REV3L: variants seen among roughly 807,000 people sequenced by gnomAD.
The protein encoded by REV3L is DNA polymerase zeta catalytic subunit.
In REV3L, 69 loss-of-function variants were observed where a neutral mutation model predicts 299.4. That is an observed-to-expected ratio of 0.23 (90% CI 0.19 to 0.28). The LOEUF (loss-of-function observed/expected upper bound fraction) is 0.28. Ranked by LOEUF, REV3L falls within the 10% of genes least tolerant of loss-of-function variation. The probability of loss-of-function intolerance (pLI) is 1.00; values close to 1 mark genes in which losing one functional copy is unlikely to be tolerated. For missense variants in REV3L, 3,128 were observed against 3,693.8 expected, an observed-to-expected ratio of 0.85 and a Z score of 3.97; for synonymous variants, 1,238 against 1,271.4, an observed-to-expected ratio of 0.97 and a Z score of 0.56.
intron 1 of REV3L, among the ~76,000 whole-genome samples, chr6:111,481,573 T>G (rs1793648068): frequency 6.6e-6 from 1 of 152,208 alleles, no homozygotes; most frequent in Admixed American, 6.5e-5. Flanking sequence ...AAAGCGCTAT[T>G]ATCTTGGTAG....
At chr6:111,424,074 C>T (rs1184060105) in intron 1 of REV3L, among the ~76,000 whole-genome samples, 3 of 152,164 alleles carry the variant, frequency 2.0e-5, no homozygotes, top group South Asian at 4.1e-4. Context: ...ATACCCAATA[C>T]AAGAGAAGGG....
chr6:111,348,037 A>G (rs939461827), intron 20 of REV3L, among the ~76,000 whole-genome samples: 7 of 152,196 alleles, frequency 4.6e-5, no homozygotes, highest in Admixed American at 2.0e-4. Flanking sequence ...CCTGGGCTCA[A>G]GTGATCCACC....
chr6:111,335,646 A>G lies in REV3L; in HGVS notation c.7539-36T>C. The G allele has an allele frequency of 1.9e-6, 3 of 1,579,564 alleles. No homozygotes were observed. The South Asian group carries it at 3.5e-5, about 19-fold the overall frequency. On this transcript the variant is annotated intron_variant, in intron 21 of 31. Coordinates refer to ENST00000368802, the MANE Select transcript of REV3L (RefSeq NM_001372078.1). ...AGAATCCACATTATGAACATCAGGGAAAAATTTGGACACTTGAAAACAGTA... is the reference window on the plus strand; with the variant it reads ...AGAATCCACATTATGAACATCAGGGGAAAATTTGGACACTTGAAAACAGTA...
intron 3 of REV3L, among the ~76,000 whole-genome samples, chr6:111,408,729 A>G (rs550055569): frequency 5.9e-5 from 9 of 152,310 alleles, no homozygotes; most frequent in African/African-American, 1.9e-4. Context: ...TAGAAATTAA[A>G]ACAGAAATGC....
chr6:111,372,821 T>C lies in REV3L; in HGVS notation c.5534A>G (p.Asn1845Ser). Reference sequence around the variant, plus strand: ...ATCAGGAGTTGGTGTCAACATATCATTGTTTCTTGAAACATACAGTTCTAA... The same window carrying C: ...ATCAGGAGTTGGTGTCAACATATCACTGTTTCTTGAAACATACAGTTCTAA... ...EDLELYVSRN[N>S]DMLTPTPDSS... The change falls in exon 13 of 32, where the codon AAT becomes AGT. Residue 1845 changes from asparagine to serine, a missense_variant. Coordinates refer to ENST00000368802, the MANE Select transcript of REV3L (RefSeq NM_001372078.1). 2 of 1,613,852 alleles carry C rather than the reference T, an allele frequency of 1.2e-6. No homozygotes were observed. The highest frequency in any genetic ancestry group is 2.2e-5 in the East Asian group (1 of 44,886).
Position 111,437,766 on chromosome 6 carries a change from G to A in REV3L, c.140-21294C>T, listed in dbSNP as rs112780969. On this transcript the variant is annotated intron_variant, in intron 1 of 31. Transcript: ENST00000368802. ...GTGACAGTGTTCTAAAATTGATTGCGCTTATGGTTGCACAACTCTGTGAAC... is the reference window on the plus strand; with the variant it reads ...GTGACAGTGTTCTAAAATTGATTGCACTTATGGTTGCACAACTCTGTGAAC... Among the ~76,000 whole-genome samples the A allele has an allele frequency of 3.6e-3, 552 of 152,140 alleles. 4 individuals are homozygous for A. The highest frequency in any genetic ancestry group is 0.012 in the African/African-American group (518 of 41,528).
intron 20 of REV3L, among the ~76,000 whole-genome samples, chr6:111,345,016 G>A (rs1776887283): frequency 6.6e-6 from 1 of 152,058 alleles, no homozygotes; most frequent in Admixed American, 6.5e-5. Flanking sequence ...ACTTGTGTAG[G>A]TATACATATA....
Position 111,376,179 on chromosome 6 carries a change from T to C in REV3L, c.2176A>G (p.Lys726Glu). The change falls in exon 13 of 32, where the codon AAA becomes GAA. Residue 726 changes from lysine (K) to glutamate (E), a missense_variant. By Grantham distance (56) the Lys-to-Glu change is moderately conservative. Transcript: ENST00000368802. ...CTACTCAGAGCTGTGCTGTTTCCTT[T>C]TTCATTTCCTTCAGAGGATACTTTA... Reference protein sequence around the residue: ...KNKVSSEGNEKGNSTALSSLF... With the variant: ...KNKVSSEGNEEGNSTALSSLF... 6.2e-7 allele frequency: 1 copy of C among 1,612,218 alleles called. No homozygotes were observed. The highest frequency in any genetic ancestry group is 8.5e-7 in the Non-Finnish European group (1 of 1,179,764).
intron 1 of REV3L, among the ~76,000 whole-genome samples, chr6:111,476,343 G>A (rs1259446951): frequency 1.3e-5 from 2 of 152,084 alleles, no homozygotes; most frequent in East Asian, 3.9e-4. Flanking sequence ...TTTTTGTAGA[G>A]ATAGCGTCTT....
intron 31 of REV3L, among the ~76,000 whole-genome samples, chr6:111,300,494 A>G (rs1281086311): frequency 6.6e-6 from 1 of 152,232 alleles, no homozygotes; most frequent in East Asian, 1.9e-4. Flanking sequence ...ACACGTTTTC[A>G]AAGTACTTAG....
chr6:111,479,872 T>C (rs1793412914), intron 1 of REV3L, among the ~76,000 whole-genome samples: 1 of 152,206 alleles, frequency 6.6e-6, no homozygotes, highest in Non-Finnish European at 1.5e-5. Context: ...CATGGGAGCT[T>C]TTAAACCCAA....
intron 31 of REV3L, among the ~76,000 whole-genome samples, chr6:111,300,849 A>G (rs1311541375): frequency 6.6e-6 from 1 of 152,200 alleles, no homozygotes; most frequent in African/African-American, 2.4e-5. Flanking sequence ...AATTGTTTGT[A>G]AAGCATGTGT....
intron 1 of REV3L, among the ~76,000 whole-genome samples, chr6:111,479,729 T>C (rs940405828): frequency 6.6e-6 from 1 of 152,124 alleles, no homozygotes; most frequent in African/African-American, 2.4e-5. Flanking sequence ...CAGGCTGGTC[T>C]CCAACTCCTG....
chr6:111,418,983 A>C (rs541727582), intron 1 of REV3L, among the ~76,000 whole-genome samples: 3 of 152,358 alleles, frequency 2.0e-5, no homozygotes, highest in Non-Finnish European at 4.4e-5. Flanking sequence ...ACATCCACGA[A>C]AAAAGAGGGA....
At chr6:111,476,007 T>C (rs1324972117) in intron 1 of REV3L, among the ~76,000 whole-genome samples, 4 of 152,358 alleles carry the variant, frequency 2.6e-5, no homozygotes, top group Middle Eastern at 3.4e-3. Flanking sequence ...CATTTTCATA[T>C]ACAAGTTGAA....
At position 111,303,193 on chromosome 6, in the gene REV3L, AGAGC is replaced by A. The variant is rs1373878345; in HGVS notation, c.9253-3041_9253-3038del. Among the ~76,000 whole-genome samples the A allele has an allele frequency of 1.8e-3, 152 of 83,960 alleles. 1 individual carries two copies. Among genetic ancestry groups the A allele is most frequent in the Middle Eastern group, 0.01 (1 of 100 alleles). The allele number at this position is 83,960 out of a possible 152,430, so 55.1% of individuals were successfully genotyped here. On this transcript the variant is annotated intron_variant, in intron 31 of 31. Coordinates refer to ENST00000368802, the MANE Select transcript of REV3L (RefSeq NM_001372078.1). ...TTTTTTTTTTTTTTTGAGATGAGAG[AGAGC>A]GTCTCATTCTGTTGCCCAGGCTGGA...
chr6:111,352,208 A>T (rs892391366), intron 18 of REV3L, among the ~76,000 whole-genome samples: 3 of 152,030 alleles, frequency 2.0e-5, no homozygotes, highest in Non-Finnish European at 4.4e-5. Flanking sequence ...AGGTTTCACC[A>T]TGTTGGTCAG....
At chr6:111,424,959 A>G (rs1482196667) in intron 1 of REV3L, among the ~76,000 whole-genome samples, 5 of 152,186 alleles carry the variant, frequency 3.3e-5, no homozygotes, top group Non-Finnish European at 7.3e-5. Context: ...TGATACAGTT[A>G]AGGGAATTTA....
At chr6:111,360,313 A>C (rs977930258) in intron 16 of REV3L, among the ~76,000 whole-genome samples, 5 of 152,172 alleles carry the variant, frequency 3.3e-5, no homozygotes, top group Non-Finnish European at 7.3e-5. Context: ...CTGAAAAGTG[A>C]CATAAAAATG....
Sources: gnomAD v4.1 joint callset for allele counts (sites outside exome capture counted in the v4.1 genomes callset) on GRCh38, gnomAD v4.1.1 for gene constraint, MANE v1.5 for transcripts, NCBI Gene and HGNC (gene_info 2026-07-23, HGNC 2026-07-21) for gene names.